Variants in CELF2 observed in about 807,000 individuals in gnomAD.
CELF2 encodes the protein CUGBP Elav-like family member 2.
In CELF2, 8 loss-of-function variants were observed where a neutral mutation model predicts 62.6. The ratio of observed to expected loss-of-function variants is 0.13; its 90% confidence interval spans 0.07 to 0.23. CELF2 has a LOEUF of 0.23. CELF2 is among the 10% of genes least tolerant of loss of function. CELF2 has a pLI of 1.00. For missense variants in CELF2, 333 were observed against 671.0 expected (o/e 0.50, Z 5.56); for synonymous variants, 258 against 250.0 (o/e 1.03, Z -0.30).
intron 2 of CELF2, among the ~76,000 whole-genome samples, chr10:11,170,039 GA>G (rs2068358443): frequency 3.3e-5 from 5 of 152,212 alleles, no homozygotes; most frequent in Admixed American, 3.3e-4. Flanking sequence ...AGGTTGTGGG[GA>G]AAGGAAATGC....
chr10:11,284,017 G>A (rs1203948531), intron 8 of CELF2, among the ~76,000 whole-genome samples: 5 of 147,242 alleles, frequency 3.4e-5, no homozygotes, highest in East Asian at 2.1e-4. Flanking sequence ...AGTGTGTGGT[G>A]GGTGGATGAT....
chr10:10,556,145 T>C, the CELF2 span, among the ~76,000 whole-genome samples: 3 of 152,296 alleles, frequency 2.0e-5, no homozygotes, highest in Admixed American at 1.3e-4. Context: ...ACTCGTCATC[T>C]AGCATTAGGT....
At chr10:11,112,815 C>T (rs180715096) in intron 1 of CELF2, among the ~76,000 whole-genome samples, 2 of 152,350 alleles carry the variant, frequency 1.3e-5, no homozygotes, top group South Asian at 4.1e-4. Flanking sequence ...CATGAGTAAA[C>T]GCAGTGCATT....
At chr10:10,594,378 T>C in the CELF2 span, among the ~76,000 whole-genome samples, 1 of 141,368 alleles carries the variant, frequency 7.1e-6, no homozygotes, top group East Asian at 2.0e-4. Context: ...TGGGCACCCA[T>C]TGGACAGACA....
In CELF2 at chr10:11,040,645, C is replaced by G. The variant is rs866680470; in HGVS notation, c.74+22482C>G. Among the ~76,000 whole-genome samples, 3 of 152,166 alleles carry G rather than the reference C, an allele frequency of 2.0e-5. No individual in the cohort carries two copies. The Middle Eastern group carries it at 0.01, about 518-fold the overall frequency. On this transcript the variant is annotated intron_variant, in intron 1 of 12. Coordinates refer to ENST00000633077, the MANE Select transcript of CELF2 (RefSeq NM_001326342.2). ...GCTTTTAAATGCCTGCTTATGTGCC[C>G]GTTACCATCCTAGGTGCTGGGAAAA...
the CELF2 span, among the ~76,000 whole-genome samples, chr10:10,559,994 C>T: frequency 6.6e-6 from 1 of 152,182 alleles, no homozygotes; most frequent in Non-Finnish European, 1.5e-5. Flanking sequence ...GCTGACTGTG[C>T]AGGGCTTGAG....
intron 9 of CELF2, among the ~76,000 whole-genome samples, chr10:11,288,869 C>T (rs952849696): frequency 2.0e-5 from 3 of 152,174 alleles, no homozygotes; most frequent in Non-Finnish European, 4.4e-5. Context: ...GAAGAGCCTC[C>T]GTCTCTTAGT....
At chr10:10,465,740 C>T in the CELF2 span, among the ~76,000 whole-genome samples, 2 of 152,070 alleles carry the variant, frequency 1.3e-5, no homozygotes, top group Non-Finnish European at 2.9e-5. Context: ...TTTATTCCAT[C>T]CTAGTGGAAG....
chr10:10,536,140 C>T, the CELF2 span, among the ~76,000 whole-genome samples: 3 of 151,908 alleles, frequency 2.0e-5, no homozygotes, highest in African/African-American at 7.3e-5. Flanking sequence ...CTGCCTCAGC[C>T]TCCTGAGTAG....
rs1326509334 is a variant in CELF2 at position 10,934,741 on chromosome 10, G to T, written c.89+14742G>T. 1 of 152,138 alleles carries T rather than the reference G, an allele frequency of 6.6e-6. No individual in the cohort carries two copies. The highest frequency in any genetic ancestry group is 2.4e-5 in the African/African-American group (1 of 41,434). 9.4% of individuals were successfully genotyped at this position (152,138 alleles called of 1,614,324 possible). ...AGGGTGAGGGTTGAGGGGCAGTTCT[G>T]GATGTAGAACTTGATGTTTGAGCAT... is the stretch of plus-strand genomic sequence containing the variant. On this transcript the variant is annotated intron_variant, in intron 2 of 13. Coordinates refer to the CELF2 transcript ENST00000636488. The surrounding 1 kb of genome is among the most constrained non-coding windows in gnomAD (Gnocchi z 4.4).
the CELF2 span, among the ~76,000 whole-genome samples, chr10:10,674,112 T>C: frequency 6.6e-6 from 1 of 152,332 alleles, no homozygotes; most frequent in African/African-American, 2.4e-5. Context: ...GAATTGCTGA[T>C]AGAGGGGTAT....
chr10:11,127,809 A>T (rs926634103), intron 1 of CELF2, among the ~76,000 whole-genome samples: 3 of 152,106 alleles, frequency 2.0e-5, no homozygotes, highest in Non-Finnish European at 2.9e-5. Flanking sequence ...AGATTGTAAC[A>T]ATTTTCTCCC....
At chr10:10,606,327 G>A in the CELF2 span, among the ~76,000 whole-genome samples, 1 of 152,088 alleles carries the variant, frequency 6.6e-6, no homozygotes, top group Admixed American at 6.6e-5. Flanking sequence ...AAAATTCACT[G>A]GACAGAGAAT....
intron 9 of CELF2, among the ~76,000 whole-genome samples, chr10:11,312,664 G>C (rs11257054): frequency 0.1 from 15,741 of 152,298 alleles, 1,320 homozygotes; most frequent in East Asian, 0.33. Flanking sequence ...TGGCTGGCTT[G>C]GAGGCTCACA....
chr10:11,109,486 G>A (rs1029786562), intron 1 of CELF2, among the ~76,000 whole-genome samples: 2 of 152,168 alleles, frequency 1.3e-5, no homozygotes, highest in African/African-American at 4.8e-5. Context: ...TTTAAATCAT[G>A]CCTGCCCCAT....
chr10:10,624,037 G>A, the CELF2 span, among the ~76,000 whole-genome samples: 4 of 152,266 alleles, frequency 2.6e-5, no homozygotes, highest in Admixed American at 1.3e-4. Context: ...TGACTCTTCT[G>A]CTCTTGTCTC....
chr10:10,773,997 A>G, the CELF2 span, among the ~76,000 whole-genome samples: 5,494 of 152,170 alleles, frequency 0.036, 136 homozygotes, highest in African/African-American at 0.049. Context: ...ATTCCCCACC[A>G]CTTCCATACT....
intron 1 of CELF2, among the ~76,000 whole-genome samples, chr10:10,819,901 C>G (rs891800342): frequency 6.6e-6 from 1 of 152,026 alleles, no homozygotes; most frequent in African/African-American, 2.4e-5. Flanking sequence ...GAGCTTGCAT[C>G]CCTTCTCTGT....
chr10:11,021,629 C>A (rs1031333564), intron 1 of CELF2, among the ~76,000 whole-genome samples: 1 of 152,196 alleles, frequency 6.6e-6, no homozygotes, highest in Non-Finnish European at 1.5e-5. Context: ...CACACCGTCT[C>A]TAATCTGCAG....
Sources: gnomAD v4.1 joint callset for allele counts (sites outside exome capture counted in the v4.1 genomes callset) on GRCh38, gnomAD v4.1.1 for gene constraint, Gnocchi (gnomAD v3.1) non-coding constraint, MANE v1.5 for transcripts, NCBI Gene and HGNC (gene_info 2026-07-23, HGNC 2026-07-21) for gene names.